The following CCDC60 variants were observed in gnomAD, a reference collection of about 807,000 sequenced individuals.
CCDC60 encodes coiled-coil domain-containing protein 60.
Under a neutral mutation model 63.5 loss-of-function variants are expected in CCDC60, and 54 were observed. That is an observed-to-expected ratio of 0.85 (90% CI 0.68 to 1.07). The LOEUF (loss-of-function observed/expected upper bound fraction) is 1.07. Ranked by LOEUF, CCDC60 falls within the 50% of genes least tolerant of loss-of-function variation. The pLI, the probability that CCDC60 is intolerant of heterozygous loss-of-function variation, is 0.00. For synonymous variants in CCDC60, 206 were observed against 238.8 expected (o/e 0.86, Z 1.27); for missense variants, 651 against 684.3 (o/e 0.95, Z 0.54).
intron 1 of CCDC60, among the ~76,000 whole-genome samples, chr12:119,346,638 G>T (rs890565355): frequency 6.6e-6 from 1 of 152,122 alleles, no homozygotes; most frequent in Non-Finnish European, 1.5e-5. Context: ...GACTGTGCCC[G>T]TGACCACAGA....
At chr12:119,515,223 G>C (rs2136469035) in intron 7 of CCDC60, among the ~76,000 whole-genome samples, 1 of 152,314 alleles carries the variant, frequency 6.6e-6, no homozygotes, top group Non-Finnish European at 1.5e-5. Flanking sequence ...TGAGGTCCTG[G>C]TGATTAGGAC....
intron 11 of CCDC60, among the ~76,000 whole-genome samples, chr12:119,525,343 A>C (rs1952653795): frequency 6.6e-6 from 1 of 152,220 alleles, no homozygotes; most frequent in Non-Finnish European, 1.5e-5. Context: ...CCCAAGACAC[A>C]TAATCATCAG....
chr12:119,451,911 T>C (rs1178743029), intron 2 of CCDC60, among the ~76,000 whole-genome samples: 2 of 152,162 alleles, frequency 1.3e-5, no homozygotes, highest in Non-Finnish European at 1.5e-5. Context: ...TAGATAAGAA[T>C]AGAACTGGCC....
chr12:119,394,514 C>A (rs554251009), intron 1 of CCDC60, among the ~76,000 whole-genome samples: 1 of 152,354 alleles, frequency 6.6e-6, no homozygotes, highest in African/African-American at 2.4e-5. Context: ...GCCCCCCAGG[C>A]ATCCCCTAAA....
At chr12:119,398,822 G>A (rs1026199764) in intron 1 of CCDC60, among the ~76,000 whole-genome samples, 2 of 152,220 alleles carry the variant, frequency 1.3e-5, no homozygotes, top group African/African-American at 2.4e-5. Context: ...CAAGAGCTAA[G>A]GAGTTTATTG....
chr12:119,424,042 A>G (rs1338580193), intron 1 of CCDC60, among the ~76,000 whole-genome samples: 1 of 152,244 alleles, frequency 6.6e-6, no homozygotes, highest in African/African-American at 2.4e-5. Flanking sequence ...AAGATAACCA[A>G]AACAAAAAAT....
At chr12:119,534,915 G>C (rs1303974606) in intron 13 of CCDC60, among the ~76,000 whole-genome samples, 1 of 152,176 alleles carries the variant, frequency 6.6e-6, no homozygotes, top group Non-Finnish European at 1.5e-5. Context: ...TTGGTATCAG[G>C]ATGATGTTGG....
At chr12:119,449,384 A>C (rs944379106) in intron 2 of CCDC60, among the ~76,000 whole-genome samples, 5 of 152,158 alleles carry the variant, frequency 3.3e-5, no homozygotes, top group Admixed American at 3.3e-4. Context: ...GCTATATTCT[A>C]GTTCCTAGCT....
At chr12:119,529,441 C>T (rs1952778063) in intron 12 of CCDC60, among the ~76,000 whole-genome samples, 1 of 152,160 alleles carries the variant, frequency 6.6e-6, no homozygotes, top group Non-Finnish European at 1.5e-5. Flanking sequence ...TCTGTGTGCT[C>T]ATTTGCAATA....
At chr12:119,535,872 T>C (rs1361696139) in intron 13 of CCDC60, among the ~76,000 whole-genome samples, 1 of 152,232 alleles carries the variant, frequency 6.6e-6, no homozygotes, top group Non-Finnish European at 1.5e-5. Context: ...GATGTGGTGC[T>C]AAGAAGAATG....
At chr12:119,411,025 G>A (rs1356956288) in intron 1 of CCDC60, among the ~76,000 whole-genome samples, 3 of 152,160 alleles carry the variant, frequency 2.0e-5, no homozygotes, top group Admixed American at 6.5e-5. Flanking sequence ...GAGCCACTGC[G>A]CCCGGCCACA....
rs939208678 is a variant in CCDC60 at position 119,464,184 on chromosome 12, G to A, written c.171-7810G>A. Among the ~76,000 whole-genome samples, 5 of 144,652 alleles carry A rather than the reference G, an allele frequency of 3.5e-5. 1 individual carries two copies. Among genetic ancestry groups the A allele is most frequent in the Non-Finnish European group, 7.5e-5 (5 of 66,632 alleles). The allele number at this position is 144,652 out of a possible 152,430, so 94.9% of individuals were successfully genotyped here. On this transcript the variant is annotated intron_variant, in intron 2 of 13. Transcript: ENST00000327554. ...AAGTTCCTGGGGGTTGGACTTCAATGTATGAATTTGGGGAGGACACAACTG... is the reference window on the plus strand; with the variant it reads ...AAGTTCCTGGGGGTTGGACTTCAATATATGAATTTGGGGAGGACACAACTG...
intron 2 of CCDC60, among the ~76,000 whole-genome samples, chr12:119,461,423 T>C (rs1423313631): frequency 6.6e-6 from 1 of 151,950 alleles, no homozygotes; most frequent in Non-Finnish European, 1.5e-5. Context: ...AGTCCAAAGG[T>C]GCTTAGAAAT....
chr12:119,455,702 T>C (rs1950715157), intron 2 of CCDC60, among the ~76,000 whole-genome samples: 1 of 144,794 alleles, frequency 6.9e-6, no homozygotes, highest in South Asian at 2.2e-4. Context: ...CACTCCAGTA[T>C]GGACAACAGA....
At chr12:119,505,329 A>G in intron 7 of CCDC60, 26 bp downstream of exon 7, 1 of 1,510,038 alleles carries the variant, frequency 6.6e-7, no homozygotes, top group African/African-American at 1.4e-5. Context: ...GATCTGACTC[A>G]TCTACCCTGA....
At chr12:119,408,833 AAC>A (rs1483950393) in intron 1 of CCDC60, among the ~76,000 whole-genome samples, 15 of 145,550 alleles carry the variant, frequency 1.0e-4, no homozygotes, top group Admixed American at 2.1e-4. Context: ...TCAAAAAAAA[AAC>A]AAAGAGTAAT....
chr12:119,337,318 A>G (rs951765123), intron 1 of CCDC60, among the ~76,000 whole-genome samples: 1 of 152,222 alleles, frequency 6.6e-6, no homozygotes, highest in Non-Finnish European at 1.5e-5. Flanking sequence ...GGAAATGAAC[A>G]CTTCAATAGC....
At chr12:119,459,911 G>C (rs907646469) in intron 2 of CCDC60, among the ~76,000 whole-genome samples, 1 of 152,198 alleles carries the variant, frequency 6.6e-6, no homozygotes, top group African/African-American at 2.4e-5. Context: ...CTTCCACTTA[G>C]CTGACTGCAT....
At chr12:119,369,253 A>C (rs369132930) in intron 1 of CCDC60, among the ~76,000 whole-genome samples, 1 of 152,280 alleles carries the variant, frequency 6.6e-6, no homozygotes, top group South Asian at 2.1e-4. Context: ...GACGCTCGCA[A>C]TGTAGGTTTT....
Sources: allele counts gnomAD v4.1 joint callset (sites outside exome capture counted in the v4.1 genomes callset), GRCh38; gene constraint gnomAD v4.1.1; transcripts MANE v1.5; gene names NCBI Gene and HGNC (gene_info 2026-07-23, HGNC 2026-07-21).